The following GRID2 variants were observed in gnomAD, a reference collection of about 807,000 sequenced individuals.
The protein encoded by GRID2 is glutamate receptor ionotropic, delta-2.
Under a neutral mutation model 114.8 loss-of-function variants are expected in GRID2, and 33 were observed. The ratio of observed to expected loss-of-function variants is 0.29; its 90% CI spans 0.22 to 0.38. The LOEUF is 0.38. GRID2 is among the 10% of genes least tolerant of loss of function. GRID2 has a pLI of 1.00. For synonymous variants in GRID2, 505 were observed against 449.9 expected (o/e 1.12, Z -1.55); for missense variants, 1,184 against 1,257.7 (o/e 0.94, Z 0.89).
downstream of GRID2, among the ~76,000 whole-genome samples, chr4:93,774,992 G>C (rs142655012): frequency 2.0e-5 from 3 of 151,920 alleles, no homozygotes; most frequent in Non-Finnish European, 4.4e-5. Flanking sequence ...AGAATTATTC[G>C]TCATGCTGAA....
chr4:93,236,215 G>T (rs1487128372), intron 7 of GRID2, among the ~76,000 whole-genome samples: 1 of 151,884 alleles, frequency 6.6e-6, no homozygotes, highest in Admixed American at 6.6e-5. Context: ...AATATAATTG[G>T]ATGTTTTGAG....
At chr4:93,747,133 C>T (rs909188357) in intron 14 of GRID2, among the ~76,000 whole-genome samples, 1 of 152,038 alleles carries the variant, frequency 6.6e-6, no homozygotes. Flanking sequence ...TCCACCGAAA[C>T]ACAGTTGGAA....
At chr4:92,516,277 C>T (rs1724496179) in intron 1 of GRID2, among the ~76,000 whole-genome samples, 1 of 151,840 alleles carries the variant, frequency 6.6e-6, no homozygotes, top group Non-Finnish European at 1.5e-5. Context: ...TAATGTCATT[C>T]ATGTTGTATA....
At chr4:93,560,532 G>A (rs911050530) in intron 13 of GRID2, among the ~76,000 whole-genome samples, 27 of 152,188 alleles carry the variant, frequency 1.8e-4, no homozygotes, top group Middle Eastern at 6.8e-3. Context: ...CATTCATGAG[G>A]GAAAAGCCCA....
intron 2 of GRID2, among the ~76,000 whole-genome samples, chr4:92,642,277 T>A (rs962499168): frequency 2.0e-5 from 3 of 151,854 alleles, no homozygotes; most frequent in Non-Finnish European, 4.4e-5. Context: ...ATGTAAGCAT[T>A]CAGCTTTCTC....
intron 13 of GRID2, among the ~76,000 whole-genome samples, chr4:93,595,614 T>TCA (rs1739004147): frequency 6.6e-6 from 1 of 152,256 alleles, no homozygotes; most frequent in Non-Finnish European, 1.5e-5. Context: ...TCTACCATTG[T>TCA]CACTCTCTTG....
At position 92,652,932 on chromosome 4, in the gene GRID2, A is replaced by ATATT. The variant is rs1466797060; in HGVS notation, c.244+62649_244+62650insTTAT. 3.0e-4 allele frequency among the ~76,000 whole-genome samples: 42 copies of ATATT among 138,982 alleles called. 1 individual carries two copies. The highest frequency in any genetic ancestry group is 8.5e-4 in the African/African-American group (33 of 38,700). 91.2% of individuals were successfully genotyped at this position (138,982 alleles called of 152,430 possible). On this transcript the variant is annotated intron_variant, in intron 2 of 15. Coordinates refer to ENST00000282020, the MANE Select transcript of GRID2 (RefSeq NM_001510.4). ...TATATTTATAAATACATATAAATAT[A>ATATT]TATAAACATATATTTATAAATATAT...
chr4:93,655,034 G>A (rs1018344174), intron 14 of GRID2, among the ~76,000 whole-genome samples: 10 of 152,018 alleles, frequency 6.6e-5, no homozygotes, highest in African/African-American at 2.4e-4. Context: ...GCCCCATTTG[G>A]CTGCTCTTTT....
chr4:92,437,381 G>A (rs1357330898), intron 1 of GRID2, among the ~76,000 whole-genome samples: 3 of 152,176 alleles, frequency 2.0e-5, no homozygotes, highest in Non-Finnish European at 2.9e-5. Context: ...CCAGGTTCAA[G>A]CGATTCTCAT....
intron 4 of GRID2, among the ~76,000 whole-genome samples, chr4:93,142,029 A>T (rs1435445798): frequency 6.6e-6 from 1 of 152,154 alleles, no homozygotes; most frequent in Non-Finnish European, 1.5e-5. Flanking sequence ...AGCCTGGGAA[A>T]CATAGCAAAA....
At chr4:93,275,086 G>A (rs1468247335) in intron 8 of GRID2, among the ~76,000 whole-genome samples, 1 of 151,726 alleles carries the variant, frequency 6.6e-6, no homozygotes, top group Non-Finnish European at 1.5e-5. Context: ...CCTTTTCTCA[G>A]CCTCTGACAA....
At chr4:93,368,459 T>A (rs1762555430) in intron 8 of GRID2, among the ~76,000 whole-genome samples, 1 of 151,998 alleles carries the variant, frequency 6.6e-6, no homozygotes, top group Admixed American at 6.6e-5. Flanking sequence ...ACATGCAGGT[T>A]TGTTACATAT....
intron 8 of GRID2, among the ~76,000 whole-genome samples, chr4:93,316,291 C>CGAACGAAAGAAAGAAAGAAA (rs1756595128): frequency 2.6e-5 from 2 of 77,122 alleles, no homozygotes; most frequent in Non-Finnish European, 5.1e-5. Flanking sequence ...AACGAAAGAA[C>CGAACGAAAGAAAGAAAGAAA]GAAAGAAAGA....
chr4:93,490,034 G>C (rs1905715), intron 11 of GRID2, among the ~76,000 whole-genome samples: 126,429 of 151,704 alleles, frequency 0.83, 53,182 homozygotes, highest in African/African-American at 0.95. Context: ...GGACAGAGAA[G>C]AGAAGCAGTC....
intron 1 of GRID2, among the ~76,000 whole-genome samples, chr4:92,553,865 T>G (rs1396213068): frequency 1.3e-5 from 2 of 152,024 alleles, no homozygotes; most frequent in African/African-American, 4.8e-5. Context: ...TTAGCCAGAG[T>G]GGTCTTGATC....
At chr4:92,937,733 C>CA (rs1406844589) in intron 2 of GRID2, among the ~76,000 whole-genome samples, 1 of 145,594 alleles carries the variant, frequency 6.9e-6, no homozygotes, top group African/African-American at 2.4e-5. Context: ...TACATTTTAG[C>CA]AAAAAAAGAA....
At chr4:93,218,750 A>G (rs1744530810) in intron 6 of GRID2, among the ~76,000 whole-genome samples, 1 of 152,136 alleles carries the variant, frequency 6.6e-6, no homozygotes, top group Non-Finnish European at 1.5e-5. Flanking sequence ...ACACTGCCAT[A>G]AAGTACAGGG....
chr4:93,418,485 A>C (rs1288908423), intron 9 of GRID2, among the ~76,000 whole-genome samples: 2 of 152,080 alleles, frequency 1.3e-5, no homozygotes, highest in Non-Finnish European at 2.9e-5. Flanking sequence ...GCCAATTAAA[A>C]AAGCATTGCC....
At chr4:92,640,561 A>G (rs535368848) in intron 2 of GRID2, among the ~76,000 whole-genome samples, 2 of 152,052 alleles carry the variant, frequency 1.3e-5, no homozygotes, top group South Asian at 4.1e-4. Context: ...CTCTGCTTAG[A>G]TTACAGAATG....
Sources: allele counts gnomAD v4.1 joint callset (sites outside exome capture counted in the v4.1 genomes callset), GRCh38; gene constraint gnomAD v4.1.1; transcripts MANE v1.5; gene names NCBI Gene and HGNC (gene_info 2026-07-23, HGNC 2026-07-21).